The following ANKDD1A variants were observed in gnomAD, a reference collection of about 807,000 sequenced individuals.
The protein encoded by ANKDD1A is ankyrin repeat and death domain containing 1A, also known as ankyrin repeat and death domain-containing protein 1A.
Under a neutral mutation model 63.5 loss-of-function variants are expected in ANKDD1A, and 59 were observed. The ratio of observed to expected loss-of-function variants is 0.93; its 90% confidence interval spans 0.75 to 1.15. The LOEUF is 1.15. Among genes scored for constraint, ANKDD1A ranks in the 50% most tolerant of loss-of-function variants. The pLI is 0.00. For synonymous variants in ANKDD1A, 266 were observed against 263.9 expected (o/e 1.01, Z -0.08); for missense variants, 632 against 656.4 (o/e 0.96, Z 0.41).
In ANKDD1A at chr15:64,911,939, G is replaced by A; in HGVS notation, c.9G>A (p.Glu3=). ...GGCTGCGGAGCGGCAGGATGCAGGA[G>A]GAGCTGGCGTGGGAGACCGACGGCC... MQ[E]ELAWETDGLL... The change falls in exon 1 of 15, where the codon GAG becomes GAA. Residue 3 remains glutamate, a synonymous_variant. Transcript: ENST00000319580. The A allele has an allele frequency of 8.0e-7, 1 of 1,248,032 alleles. No homozygotes were observed. The highest frequency in any genetic ancestry group is 1.0e-6 in the Non-Finnish European group (1 of 990,552). The allele number at this position is 1,248,032 out of a possible 1,614,324, so 77.3% of individuals were successfully genotyped here. A position where few individuals can be genotyped will look rare whatever the true frequency, so the allele number is the denominator to read the frequency against.
chr15:64,938,318 T>G lies in ANKDD1A; in HGVS notation c.867+4084T>G, dbSNP rs141185354. Among the ~76,000 whole-genome samples, 355 of 152,298 alleles carry G rather than the reference T, an allele frequency of 2.3e-3. 1 individual carries two copies. The highest frequency in any genetic ancestry group is 6.8e-3 in the Middle Eastern group (2 of 294). On this transcript the variant is annotated intron_variant, in intron 9 of 14. Coordinates refer to ENST00000319580, the MANE Select transcript of ANKDD1A (RefSeq NM_182703.6). ...AGAGTAACCTTACTCTGGGGAAATC[T>G]GACAAACACTACCTCAGCCAGGTGG...
intron 14 of ANKDD1A, chr15:64,950,256 C>T (rs934128597): frequency 1.8e-5 from 18 of 985,284 alleles, no homozygotes; most frequent in Admixed American, 6.2e-5. Context: ...CTTACCAGCC[C>T]TCTATACCTT....
chr15:64,944,648 G>A lies in ANKDD1A; in HGVS notation c.1066-4G>A, dbSNP rs148751598. 43 of 1,613,566 alleles carry A rather than the reference G, an allele frequency of 2.7e-5. No individual in the cohort carries two copies. ...TGGCTTCTCTTCTTGCCTCTTAATT[G>A]CAGCAGGGAAAAACCGCCCTGGCAG... On this transcript the variant is annotated splice_polypyrimidine_tract_variant and splice_region_variant and intron_variant, in intron 11 of 14. Transcript: ENST00000319580.
chr15:64,951,866 CTT>C (rs1022987563), intron 14 of ANKDD1A, among the ~76,000 whole-genome samples: 2 of 120,930 alleles, frequency 1.7e-5, no homozygotes, highest in Non-Finnish European at 3.4e-5. Context: ...TCTTCCTCTT[CTT>C]TTTCTTTCTT....
intron 1 of ANKDD1A, chr15:64,913,986 C>G (rs1318235664): frequency 1.7e-5 from 2 of 114,826 alleles, no homozygotes; most frequent in African/African-American, 3.2e-5. Context: ...TTTTTTGTTT[C>G]TGTTTTCTTT....
chr15:64,941,237 G>C (rs2085182653), intron 9 of ANKDD1A, among the ~76,000 whole-genome samples: 1 of 152,164 alleles, frequency 6.6e-6, no homozygotes, highest in Non-Finnish European at 1.5e-5. Context: ...CTACTGAATA[G>C]TATTTTTGTC....
intron 4 of ANKDD1A, 145 bp downstream of exon 4, chr15:64,922,164 C>A: frequency 1.5e-6 from 1 of 659,970 alleles, no homozygotes; most frequent in Non-Finnish European, 2.6e-6. Context: ...TGATCTCCCC[C>A]ACCTCCCTTT....
rs1303605999 is a variant in ANKDD1A at position 64,923,849 on chromosome 15, CAG to C, written c.366+1833_366+1834del. Among the ~76,000 whole-genome samples the C allele has an allele frequency of 7.9e-5, 12 of 152,324 alleles. No homozygotes were observed. The South Asian group carries it at 1.4e-3, about 18-fold the overall frequency. ...CTGTCTTGATGGAGTATACTATAAA[CAG>C]AGTTGTGAATGAGCCTCCATGTTCT... is the stretch of plus-strand genomic sequence containing the variant. On this transcript the variant is annotated intron_variant, in intron 4 of 14. Coordinates refer to ENST00000319580, the MANE Select transcript of ANKDD1A (RefSeq NM_182703.6).
rs775102068 is a variant in ANKDD1A, at chr15:64,942,453, A to G, written c.868-14A>G. On this transcript the variant is annotated splice_polypyrimidine_tract_variant and intron_variant, in intron 9 of 14. Coordinates refer to ENST00000319580, the MANE Select transcript of ANKDD1A (RefSeq NM_182703.6). ...GAGGGACTGGTCGATTGATCCGTGT[A>G]TCTCCTCCCACAGCAGGGTGCCTCT... The G allele has an allele frequency of 1.2e-5, 20 of 1,601,690 alleles. No homozygotes were observed. In the Admixed American group the frequency reaches 3.0e-4, roughly 24 times the overall value.
chr15:64,947,845 C>G (rs1271406601), intron 13 of ANKDD1A, among the ~76,000 whole-genome samples: 1 of 152,156 alleles, frequency 6.6e-6, no homozygotes, highest in Non-Finnish European at 1.5e-5. Context: ...ACTGTTTATA[C>G]CTAAACTAAA....
intron 14 of ANKDD1A, among the ~76,000 whole-genome samples, chr15:64,953,820 A>ATTCTTTTCTTCTTTCCTC (rs1406414251): frequency 5.2e-5 from 3 of 57,728 alleles, no homozygotes; most frequent in African/African-American, 1.7e-4. Context: ...CTTCTTCCTT[A>ATTCTTTTCTTCTTTCCTC]TTCTTTTCTT....
intron 4 of ANKDD1A, chr15:64,922,324 C>G (rs2085013562): frequency 2.8e-6 from 1 of 359,768 alleles, no homozygotes; most frequent in Admixed American, 4.2e-5. Flanking sequence ...GGCTCTGCAC[C>G]CCTTGTGCTC....
intron 5 of ANKDD1A, among the ~76,000 whole-genome samples, chr15:64,926,678 C>G (rs2085047916): frequency 6.6e-6 from 1 of 152,132 alleles, no homozygotes; most frequent in Non-Finnish European, 1.5e-5. Context: ...GGAGCCACCT[C>G]AGGACTTCAG....
intron 8 of ANKDD1A, chr15:64,931,817 C>A: frequency 1.7e-6 from 1 of 600,238 alleles, no homozygotes; most frequent in Non-Finnish European, 3.0e-6. Context: ...TACTTTTTTA[C>A]ATTGTTGTGA....
chr15:64,939,634 A>C (rs12905614), intron 9 of ANKDD1A, among the ~76,000 whole-genome samples: 78,829 of 152,068 alleles, frequency 0.52, 21,493 homozygotes, highest in East Asian at 0.85. Flanking sequence ...AAAGCAAAAA[A>C]AATATAAAGC....
intron 14 of ANKDD1A, among the ~76,000 whole-genome samples, chr15:64,954,191 TTTC>T (rs1309079077): frequency 2.6e-4 from 9 of 34,622 alleles, no homozygotes; most frequent in African/African-American, 5.3e-4. Context: ...CTTCTCCTTC[TTTC>T]TTGTTCCTTA....
At chr15:64,942,798 A>G (rs559996870) in intron 10 of ANKDD1A, among the ~76,000 whole-genome samples, 54 of 151,998 alleles carry the variant, frequency 3.6e-4, no homozygotes, top group African/African-American at 1.3e-3. Flanking sequence ...GGTCTATAAC[A>G]TTACAGTGAA....
In ANKDD1A at chr15:64,954,220, TCTTCTTCCTCTCCTTCG is replaced by T. The variant is rs1476891261; in HGVS notation, c.1484-2882_1484-2866del. Among the ~76,000 whole-genome samples the T allele has an allele frequency of 2.6e-3, 381 of 148,338 alleles. 1 individual carries two copies. The highest frequency in any genetic ancestry group is 9.0e-3 in the African/African-American group (365 of 40,640). On this transcript the variant is annotated intron_variant, in intron 14 of 14. Transcript: ENST00000319580. ...TTGTTCCTTATTCTTTTCTTCTTCT[TCTTCTTCCTCTCCTTCG>T]TCTTCTTAGTTCTTTCTTCTTCTCC... is the stretch of plus-strand genomic sequence containing the variant.
intron 11 of ANKDD1A, chr15:64,943,845 C>T (rs1408065832): frequency 4.1e-6 from 2 of 484,490 alleles, no homozygotes; most frequent in Non-Finnish European, 7.5e-6. Flanking sequence ...TTTATGGCCC[C>T]CATCAGACTG....
Sources: gnomAD v4.1 joint callset for allele counts (sites outside exome capture counted in the v4.1 genomes callset) on GRCh38, gnomAD v4.1.1 for gene constraint, MANE v1.5 for transcripts, NCBI Gene and HGNC (gene_info 2026-07-23, HGNC 2026-07-21) for gene names.